ARHGEF12: variants seen among roughly 807,000 people sequenced by gnomAD.
ARHGEF12 encodes the protein Rho guanine nucleotide exchange factor 12, also known as KMT2A/ARHGEF12 fusion protein.
A neutral mutation model predicts 211.2 loss-of-function variants in ARHGEF12; 66 were observed. The ratio of observed to expected loss-of-function variants is 0.31; its 90% CI spans 0.26 to 0.38. The LOEUF (loss-of-function observed/expected upper bound fraction) is 0.38, where lower values mean the gene tolerates loss of function less well. Among genes scored for constraint, ARHGEF12 ranks in the 10% least tolerant of loss-of-function variants. ARHGEF12 has a pLI of 1.00. For missense variants in ARHGEF12, 1,429 were observed against 1,869.5 expected (o/e 0.76, Z 4.34); for synonymous variants, 592 against 638.4 (o/e 0.93, Z 1.09).
At chr11:120,363,611 C>G (rs973976371) in intron 1 of ARHGEF12, among the ~76,000 whole-genome samples, 2 of 152,154 alleles carry the variant, frequency 1.3e-5, no homozygotes, top group African/African-American at 4.8e-5. Context: ...TGTGGCAAAT[C>G]ATGAAGATAG....
At chr11:120,411,580 G>C (rs1327013753) in intron 4 of ARHGEF12, 1 of 93,312 alleles carries the variant, frequency 1.1e-5, no homozygotes, top group South Asian at 4.6e-4. Flanking sequence ...AACTTTCTTG[G>C]CTTTTTTTTT....
chr11:120,382,955 T>C (rs909068359), intron 1 of ARHGEF12, among the ~76,000 whole-genome samples: 2 of 152,092 alleles, frequency 1.3e-5, no homozygotes, highest in East Asian at 1.9e-4. Flanking sequence ...CTGGCTAACA[T>C]GGTGAAACCC....
chr11:120,347,155 C>CTTTCTTTCTTT lies in ARHGEF12; in HGVS notation c.32+9880_32+9881insTTTCTTTCTTT, dbSNP rs1165675932. 7.4e-4 allele frequency among the ~76,000 whole-genome samples: 51 copies of CTTTCTTTCTTT among 69,212 alleles called. 1 individual carries two copies. Among genetic ancestry groups the CTTTCTTTCTTT allele is most frequent in the African/African-American group, 3.0e-3 (47 of 15,428 alleles). 45.4% of individuals were successfully genotyped at this position (69,212 alleles called of 152,430 possible). On this transcript the variant is annotated intron_variant, in intron 1 of 40. Coordinates refer to ENST00000397843, the MANE Select transcript of ARHGEF12 (RefSeq NM_015313.3). ...TCTTTCCTTCCTTCCTTCCTTCCTT[C>CTTTCTTTCTTT]CTTCCTTCCTTCCTTCCTTCCTTCC...
chr11:120,462,835 A>G (rs924721161), intron 27 of ARHGEF12: 1 of 152,220 alleles, frequency 6.6e-6, no homozygotes. Context: ...TCCAACTTCG[A>G]CAGTTTTTTT....
chr11:120,466,530 T>C lies in ARHGEF12; in HGVS notation c.2740-664T>C, dbSNP rs1946710424. 2.0e-5 allele frequency among the ~76,000 whole-genome samples: 3 copies of C among 152,226 alleles called. No homozygotes were observed. The South Asian group carries it at 6.2e-4, about 31-fold the overall frequency. ...TGGCAACCTAATCATAGGTGTGATA[T>C]CCCATTGTAATCACAGATTCCAAAA... On this transcript the variant is annotated intron_variant, in intron 28 of 40. Coordinates refer to ENST00000397843, the MANE Select transcript of ARHGEF12 (RefSeq NM_015313.3).
chr11:120,481,166 T>C (rs559269562), intron 38 of ARHGEF12, 94 bp from the exon 39 acceptor site: 5 of 1,170,366 alleles, frequency 4.3e-6, no homozygotes, highest in African/African-American at 3.1e-5. Flanking sequence ...CCTCTCTTAA[T>C]AACTTTTCAA....
rs567219138 is a variant in ARHGEF12, at chr11:120,366,010, C to T, written c.32+28735C>T. The stretch of plus-strand genomic sequence containing the variant: ...TGGTGGCTCATACCTGTAATCTTAA[C>T]ACTTTGGAAGGCCAAGGTGGGAGAA... On this transcript the variant is annotated intron_variant, in intron 1 of 40. Transcript: ENST00000397843. The T allele has an allele frequency of 5.8e-4, 89 of 152,354 alleles. 1 individual carries two copies. The highest frequency in any genetic ancestry group is 2.1e-3 in the African/African-American group (86 of 41,562). The allele number at this position is 152,354 out of a possible 1,614,324, so 9.4% of individuals were successfully genotyped here.
chr11:120,453,300 A>G (rs1026656002), intron 22 of ARHGEF12, among the ~76,000 whole-genome samples: 1 of 152,214 alleles, frequency 6.6e-6, no homozygotes, highest in African/African-American at 2.4e-5. Flanking sequence ...CCTGTGACTT[A>G]TTAAAATAAA....
intron 4 of ARHGEF12, chr11:120,409,906 A>G (rs1944830518): frequency 6.6e-6 from 1 of 152,316 alleles, no homozygotes; most frequent in African/African-American, 2.4e-5. Context: ...TGGAATTTTT[A>G]TTTCATTTTT....
intron 37 of ARHGEF12, among the ~76,000 whole-genome samples, chr11:120,478,717 G>GA (rs1947139304): frequency 6.6e-6 from 1 of 152,168 alleles, no homozygotes; most frequent in African/African-American, 2.4e-5. Context: ...CTAAAGGTAT[G>GA]AAAAAAGATT....
intron 16 of ARHGEF12, among the ~76,000 whole-genome samples, chr11:120,445,732 C>G (rs1399680939): frequency 6.6e-6 from 1 of 151,816 alleles, no homozygotes; most frequent in African/African-American, 2.4e-5. Context: ...AACCCTGTTT[C>G]TACTGAAAAT....
In ARHGEF12 at chr11:120,421,455, T is replaced by TTTTTTTTTG. The variant is rs1555109035; in HGVS notation, c.299-348_299-347insTTTTTTTTG. Among the ~76,000 whole-genome samples the TTTTTTTTTG allele has an allele frequency of 7.0e-5, 7 of 99,960 alleles. 1 individual carries two copies. Among genetic ancestry groups the TTTTTTTTTG allele is most frequent in the South Asian group, 7.1e-4 (2 of 2,800 alleles). The allele number at this position is 99,960 out of a possible 152,430, so 65.6% of individuals were successfully genotyped here. On this transcript the variant is annotated intron_variant, in intron 5 of 40. Transcript: ENST00000397843. ...TTTTTTTTTTTTGTTTTTTTTTTTTTGGAGATGGAGTCTCCCTCTGTCACC... is the reference window on the plus strand; with the variant it reads ...TTTTTTTTTTTTGTTTTTTTTTTTTTTTTTTTTTGGGAGATGGAGTCTCCCTCTGTCACC...
intron 11 of ARHGEF12, among the ~76,000 whole-genome samples, chr11:120,432,264 G>A (rs1202725741): frequency 6.6e-6 from 1 of 152,114 alleles, no homozygotes; most frequent in African/African-American, 2.4e-5. Flanking sequence ...TCCATTTGTG[G>A]TCAGAGTGAC....
intron 27 of ARHGEF12, chr11:120,463,525 CAAAAAAAAAAAAAA>C (rs11315620): frequency 1.2e-5 from 1 of 81,678 alleles, no homozygotes; most frequent in African/African-American, 4.3e-5. Context: ...AACTCAGTCT[CAAAAAAAAAAAAAA>C]AAAAAAACCA....
intron 11 of ARHGEF12, among the ~76,000 whole-genome samples, chr11:120,436,597 A>T (rs1201942452): frequency 6.6e-6 from 1 of 152,204 alleles, no homozygotes; most frequent in Non-Finnish European, 1.5e-5. Flanking sequence ...CAAAATATTC[A>T]GGGATAGAAA....
At chr11:120,343,409 C>T (rs115804775) in intron 1 of ARHGEF12, among the ~76,000 whole-genome samples, 128 of 152,218 alleles carry the variant, frequency 8.4e-4, no homozygotes, top group African/African-American at 2.8e-3. Context: ...TAGGGAAGAC[C>T]GCTATAAGAC....
At chr11:120,362,200 A>G (rs961789471) in intron 1 of ARHGEF12, among the ~76,000 whole-genome samples, 1 of 152,252 alleles carries the variant, frequency 6.6e-6, no homozygotes, top group Non-Finnish European at 1.5e-5. Context: ...TAGAAATTCT[A>G]AAGTCCTGTA....
chr11:120,456,882 C>T (rs1227327772), intron 22 of ARHGEF12, among the ~76,000 whole-genome samples: 2 of 152,004 alleles, frequency 1.3e-5, no homozygotes, highest in African/African-American at 4.8e-5. Context: ...ACTGTAGGCC[C>T]CGCTACTTGG....
intron 1 of ARHGEF12, among the ~76,000 whole-genome samples, chr11:120,366,476 CT>C (rs2135388617): frequency 6.6e-6 from 1 of 152,188 alleles, no homozygotes; most frequent in African/African-American, 2.4e-5. Flanking sequence ...TTTTTTTGAT[CT>C]TTTCATGACA....
Sources: gnomAD v4.1 joint callset for allele counts (sites outside exome capture counted in the v4.1 genomes callset) on GRCh38, gnomAD v4.1.1 for gene constraint, MANE v1.5 for transcripts, NCBI Gene and HGNC (gene_info 2026-07-23, HGNC 2026-07-21) for gene names.